Variants in RYR2 observed in about 807,000 individuals in gnomAD.
The protein encoded by RYR2 is cardiac muscle ryanodine receptor-calcium release channel.
Under a neutral mutation model 601.1 loss-of-function variants are expected in RYR2, and 227 were observed. That is an observed-to-expected ratio of 0.38 (90% CI 0.34 to 0.42). RYR2 has a LOEUF of 0.42. Among genes scored for constraint, RYR2 ranks in the 10% least tolerant of loss-of-function variants. The pLI is 1.00. For synonymous variants in RYR2, 2,223 were observed against 2,175.1 expected (o/e 1.02, Z -0.61); for missense variants, 4,646 against 6,156.5 (o/e 0.75, Z 8.21).
intron 1 of RYR2, among the ~76,000 whole-genome samples, chr1:237,075,288 A>G (rs1376558073): frequency 2.0e-5 from 3 of 152,058 alleles, no homozygotes; most frequent in Non-Finnish European, 4.4e-5. Context: ...ATGGCCGAAT[A>G]GGAACAGCTC....
chr1:237,307,454 C>T (rs1479879071), intron 2 of RYR2, among the ~76,000 whole-genome samples: 2 of 152,146 alleles, frequency 1.3e-5, no homozygotes, highest in Non-Finnish European at 2.9e-5. Flanking sequence ...GAGATAGTCA[C>T]ATTATTGTAC....
At chr1:237,502,582 C>T (rs74822189) in intron 21 of RYR2, among the ~76,000 whole-genome samples, 8 of 152,068 alleles carry the variant, frequency 5.3e-5, no homozygotes, top group Non-Finnish European at 1.2e-4. Context: ...ACCCAGATCC[C>T]TCACAGACAC....
intron 58 of RYR2, among the ~76,000 whole-genome samples, chr1:237,669,107 G>T (rs1380214948): frequency 1.9e-4 from 27 of 140,786 alleles, no homozygotes; most frequent in South Asian, 4.9e-4. Context: ...TCAAGCATCT[G>T]TTTAACAAAG....
chr1:237,373,414 A>G (rs139099321), intron 6 of RYR2, among the ~76,000 whole-genome samples: 1 of 152,320 alleles, frequency 6.6e-6, no homozygotes, highest in East Asian at 1.9e-4. Context: ...ACACTCACAG[A>G]CACACACCTA....
intron 1 of RYR2, among the ~76,000 whole-genome samples, chr1:237,098,379 T>TTGTGTGTG (rs758325281): frequency 1.0e-4 from 6 of 58,728 alleles, no homozygotes; most frequent in African/African-American, 2.2e-4. Flanking sequence ...ATAGTTGCCA[T>TTGTGTGTG]TGTGTGTATG....
chr1:237,622,271 A>G (rs1178746191), intron 38 of RYR2, among the ~76,000 whole-genome samples: 1 of 152,226 alleles, frequency 6.6e-6, no homozygotes, highest in Non-Finnish European at 1.5e-5. Context: ...TGAACCATTA[A>G]TGTTAGCAGC....
In RYR2 at chr1:237,783,671, C is replaced by T. The variant is rs747161273; in HGVS notation, c.11963-4C>T. 1.1e-5 allele frequency: 17 copies of T among 1,580,338 alleles called. No individual in the cohort carries two copies. The highest frequency in any genetic ancestry group is 1.7e-5 in the Admixed American group (1 of 57,718). ...TTAAACAAATGCAACTGCTTTACCA[C>T]CAGGTAATGTTGTTAATGGAACGAT... On this transcript the variant is annotated splice_polypyrimidine_tract_variant and splice_region_variant and intron_variant, in intron 89 of 104. Coordinates refer to ENST00000366574, the MANE Select transcript of RYR2 (RefSeq NM_001035.3).
At chr1:237,427,976 T>G (rs1245722854) in intron 12 of RYR2, among the ~76,000 whole-genome samples, 1 of 151,952 alleles carries the variant, frequency 6.6e-6, no homozygotes, top group African/African-American at 2.4e-5. Context: ...AGAAGATATT[T>G]ATGTGGCCAA....
At chr1:237,256,105 G>A (rs1292282161) in intron 1 of RYR2, among the ~76,000 whole-genome samples, 1 of 152,062 alleles carries the variant, frequency 6.6e-6, no homozygotes, top group Non-Finnish European at 1.5e-5. Flanking sequence ...GGAGATAATT[G>A]AATCATAGGG....
At chr1:237,546,078 G>A (rs923921025) in intron 25 of RYR2, among the ~76,000 whole-genome samples, 2 of 151,110 alleles carry the variant, frequency 1.3e-5, no homozygotes, top group Admixed American at 6.6e-5. Flanking sequence ...TTATAGATTT[G>A]CCTATTTAAA....
In RYR2 at chr1:237,569,334, T is replaced by G. The variant is rs2148276559; in HGVS notation, c.3598+15T>G. On this transcript the variant is annotated intron_variant, in intron 29 of 104. Coordinates refer to ENST00000366574, the MANE Select transcript of RYR2 (RefSeq NM_001035.3). ...TGTTGGCGATGGTAAGTCTACTATG[T>G]TTTGTGTTTTTTTTAAGTTTGCAGC... 1 of 1,609,870 alleles carries G rather than the reference T, an allele frequency of 6.2e-7. No individual in the cohort carries two copies. The highest frequency in any genetic ancestry group is 1.7e-5 in the Admixed American group (1 of 59,342).
At chr1:237,170,545 G>C (rs1677243020) in intron 1 of RYR2, among the ~76,000 whole-genome samples, 1 of 152,126 alleles carries the variant, frequency 6.6e-6, no homozygotes, top group Non-Finnish European at 1.5e-5. Flanking sequence ...CAGCTTTGTA[G>C]CTTAAAAAAA....
At chr1:237,399,238 A>G (rs1051697988) in intron 10 of RYR2, among the ~76,000 whole-genome samples, 9 of 152,128 alleles carry the variant, frequency 5.9e-5, no homozygotes, top group African/African-American at 9.7e-5. Context: ...AGCAACCTCA[A>G]TGAATCTCCA....
chr1:237,072,308 C>T (rs1390212646), intron 1 of RYR2, among the ~76,000 whole-genome samples: 4 of 152,230 alleles, frequency 2.6e-5, no homozygotes, highest in African/African-American at 4.8e-5. Context: ...CCACTGAACC[C>T]GGCCTGTGCA....
intron 63 of RYR2, 36 bp from the exon 64 acceptor site, chr1:237,698,929 C>G: frequency 8.1e-7 from 1 of 1,238,964 alleles, no homozygotes; most frequent in Non-Finnish European, 1.1e-6. Flanking sequence ...GAGAAATTCT[C>G]AGGGCAATTT....
chr1:237,592,931 G>C (rs1675386076), intron 32 of RYR2, among the ~76,000 whole-genome samples: 1 of 150,146 alleles, frequency 6.7e-6, no homozygotes, highest in Non-Finnish European at 1.5e-5. Context: ...TGAGGCAGGA[G>C]AATCTCTTGA....
chr1:237,753,131 C>T (rs1033455791), intron 80 of RYR2, among the ~76,000 whole-genome samples: 1 of 152,182 alleles, frequency 6.6e-6, no homozygotes, highest in Admixed American at 6.5e-5. Flanking sequence ...AATGTAAATT[C>T]CTTTCCTGTA....
chr1:237,395,468 C>T (rs185796625), intron 10 of RYR2, among the ~76,000 whole-genome samples: 50 of 150,294 alleles, frequency 3.3e-4, no homozygotes, highest in Admixed American at 2.4e-3. Flanking sequence ...ATTTTAAATA[C>T]GAGGGTCTAG....
intron 1 of RYR2, among the ~76,000 whole-genome samples, chr1:237,218,711 G>C (rs1683454623): frequency 6.6e-6 from 1 of 152,118 alleles, no homozygotes; most frequent in Non-Finnish European, 1.5e-5. Context: ...CCAGAGGGGA[G>C]TTATCACAAA....
Sources: gnomAD v4.1 joint callset for allele counts (sites outside exome capture counted in the v4.1 genomes callset) on GRCh38, gnomAD v4.1.1 for gene constraint, MANE v1.5 for transcripts, NCBI Gene and HGNC (gene_info 2026-07-23, HGNC 2026-07-21) for gene names.